LIPJ: variants seen among roughly 807,000 people sequenced by gnomAD.
LIPJ encodes the protein lipase family member J, also known as lipase member J.
LIPJ carries 33 observed loss-of-function variants against 39.8 expected under a neutral mutation model. That is an observed-to-expected ratio of 0.83 (90% confidence interval 0.63 to 1.11). The LOEUF is 1.11. Among genes scored for constraint, LIPJ ranks in the 50% least tolerant of loss-of-function variants. The probability of loss-of-function intolerance (pLI) is 0.00; values close to 1 mark genes in which losing one functional copy is unlikely to be tolerated. For synonymous variants in LIPJ, 128 were observed against 139.2 expected (o/e 0.92, Z 0.57); for missense variants, 422 against 427.9 (o/e 0.99, Z 0.12).
chr10:88,614,934 G>A, the LIPJ span, among the ~76,000 whole-genome samples: 1 of 152,082 alleles, frequency 6.6e-6, no homozygotes, highest in East Asian at 1.9e-4. Context: ...GCCATATGGG[G>A]AAAACTTTGG....
chr10:88,614,175 T>C, the LIPJ span, among the ~76,000 whole-genome samples: 1 of 151,938 alleles, frequency 6.6e-6, no homozygotes, highest in South Asian at 2.1e-4. Context: ...ATTTTAGTAA[T>C]AATATTTCAG....
chr10:88,613,856 GTA>G, the LIPJ span, among the ~76,000 whole-genome samples: 34 of 141,604 alleles, frequency 2.4e-4, no homozygotes, highest in South Asian at 6.6e-4. Flanking sequence ...GTATATATGT[GTA>G]TATATATGTA....
rs150354321 is a variant in LIPJ, at chr10:88,591,458, T to A, written c.90T>A (p.Tyr30Ter). 1.9e-6 allele frequency: 3 copies of A among 1,602,190 alleles called. No individual in the cohort carries two copies. The East Asian group carries it at 6.7e-5, about 36-fold the overall frequency. Residue 30 changes from tyrosine (Y) to a stop codon, truncating the protein, a stop_gained, in exon 4 of 11, where the codon TAT becomes TAA. Coordinates refer to ENST00000371939, the Ensembl canonical transcript of LIPJ. LOFTEE classifies it high-confidence loss of function. ...AAGATGGTTATATCCTTGGCCTTTA[T>A]AGAATTCCTTATTGGAGGACAGACA... is the stretch of plus-strand genomic sequence containing the variant.
At chr10:88,620,041 C>A in the LIPJ span, among the ~76,000 whole-genome samples, 2 of 152,026 alleles carry the variant, frequency 1.3e-5, no homozygotes, top group African/African-American at 4.8e-5. Context: ...AAGAAACAAA[C>A]AACTAATTAA....
intron 2 of LIPJ, among the ~76,000 whole-genome samples, chr10:88,590,010 G>A (rs1444006427): frequency 2.0e-5 from 3 of 151,466 alleles, no homozygotes; most frequent in Non-Finnish European, 4.4e-5. Context: ...GCTTTTGGGG[G>A]GAGAATCTGG....
chr10:88,620,033 G>T, the LIPJ span, among the ~76,000 whole-genome samples: 17 of 152,088 alleles, frequency 1.1e-4, no homozygotes, highest in Admixed American at 4.6e-4. Context: ...GCAATTTAAA[G>T]AAACAAACAA....
chr10:88,613,929 CTG>C, the LIPJ span, among the ~76,000 whole-genome samples: 2 of 148,290 alleles, frequency 1.3e-5, no homozygotes, highest in African/African-American at 4.9e-5. Context: ...AATGTATAAA[CTG>C]TACACCAAAT....
At chr10:88,594,388 CCTTT>C (rs1186173503) in intron 5 of LIPJ, 5 of 499,998 alleles carry the variant, frequency 1.0e-5, no homozygotes, top group African/African-American at 3.9e-5. Flanking sequence ...CCCCATCCTT[CCTTT>C]AACTACTCTT....
intron 10 of LIPJ, among the ~76,000 whole-genome samples, chr10:88,605,965 G>C (rs1162323153): frequency 2.0e-5 from 3 of 152,144 alleles, no homozygotes; most frequent in Non-Finnish European, 2.9e-5. Flanking sequence ...TATCTCTCAA[G>C]AGGAAAAATA....
At chr10:88,599,810 C>A (rs1851409306) in intron 8 of LIPJ, among the ~76,000 whole-genome samples, 1 of 151,010 alleles carries the variant, frequency 6.6e-6, no homozygotes, top group Non-Finnish European at 1.5e-5. Context: ...TCTTTTATGT[C>A]TTCAGTTATA....
At chr10:88,584,834 G>T (rs909388468), upstream of LIPJ, among the ~76,000 whole-genome samples, 1 of 152,108 alleles carries the variant, frequency 6.6e-6, no homozygotes, top group Non-Finnish European at 1.5e-5. Flanking sequence ...AATTACTTTT[G>T]TAAATGTAAA....
chr10:88,617,000 C>A, the LIPJ span, among the ~76,000 whole-genome samples: 1 of 152,210 alleles, frequency 6.6e-6, no homozygotes, highest in African/African-American at 2.4e-5. Context: ...AACCCCTAAT[C>A]CCATAGCCCC....
At chr10:88,612,708 C>G in the LIPJ span, among the ~76,000 whole-genome samples, 8 of 152,008 alleles carry the variant, frequency 5.3e-5, no homozygotes, top group African/African-American at 1.9e-4. Flanking sequence ...ATATACGCAC[C>G]TTACACTGGA....
chr10:88,606,618 A>G (rs983547073), intron 10 of LIPJ, 56 bp from the exon 11 acceptor site: 2 of 1,023,750 alleles, frequency 2.0e-6, no homozygotes, highest in Non-Finnish European at 2.9e-6. Flanking sequence ...TAGTAATTAA[A>G]ACCTTCTACT....
intron 8 of LIPJ, among the ~76,000 whole-genome samples, chr10:88,601,257 T>G (rs1851465956): frequency 6.6e-6 from 1 of 152,130 alleles, no homozygotes; most frequent in Non-Finnish European, 1.5e-5. Context: ...GGCAGAGCCT[T>G]TACAGCTCAA....
intron 5 of LIPJ, 158 bp downstream of exon 5, chr10:88,594,302 T>C: frequency 1.6e-6 from 1 of 607,422 alleles, no homozygotes. Flanking sequence ...AATTAAAGAG[T>C]ACTTGTGTGA....
chr10:88,615,642 A>C, the LIPJ span, among the ~76,000 whole-genome samples: 2 of 150,656 alleles, frequency 1.3e-5, no homozygotes, highest in African/African-American at 4.9e-5. Context: ...AAAAAAAAAA[A>C]AAAAAAAAAC....
intron 3 of LIPJ, among the ~76,000 whole-genome samples, chr10:88,591,104 T>TACATGCA (rs1851065038): frequency 6.6e-6 from 1 of 151,412 alleles, no homozygotes; most frequent in Non-Finnish European, 1.5e-5. Context: ...AAAGAAAATA[T>TACATGCA]TCTTGAGATA....
intron 8 of LIPJ, 24 bp from the exon 9 acceptor site, chr10:88,602,549 GCTT>G: frequency 8.0e-7 from 1 of 1,244,140 alleles, no homozygotes; most frequent in Non-Finnish European, 1.1e-6. Context: ...ATATAAAAAT[GCTT>G]TTTTTTTTTT....
Sources: gnomAD v4.1 joint callset for allele counts (sites outside exome capture counted in the v4.1 genomes callset) on GRCh38, gnomAD v4.1.1 for gene constraint, MANE v1.5 for transcripts, NCBI Gene and HGNC (gene_info 2026-07-23, HGNC 2026-07-21) for gene names.